The following KDM2A variants were observed in gnomAD, a reference collection of about 807,000 sequenced individuals.
The protein encoded by KDM2A is lysine-specific demethylase 2A.
KDM2A carries 3 observed loss-of-function variants against 137.3 expected under a neutral mutation model. That is an observed-to-expected ratio of 0.02 (90% CI 0.01 to 0.06). KDM2A has a LOEUF of 0.06. KDM2A is among the 10% of genes least tolerant of loss of function. KDM2A has a pLI of 1.00. For missense variants in KDM2A, 738 were observed against 1,510.6 expected (o/e 0.49, Z 8.48); for synonymous variants, 512 against 541.5 (o/e 0.95, Z 0.76).
intron 15 of KDM2A, among the ~76,000 whole-genome samples, chr11:67,246,920 G>A (rs796593573): frequency 4.0e-5 from 6 of 151,154 alleles, no homozygotes; most frequent in African/African-American, 1.5e-4. Context: ...AGCATATGTT[G>A]AATGAAGAAC....
At chr11:67,215,211 A>T in intron 6 of KDM2A, 129 bp from the exon 7 acceptor site, 1 of 555,716 alleles carries the variant, frequency 1.8e-6, no homozygotes, top group African/African-American at 1.9e-5. Context: ...AGATTTTTTT[A>T]ATTTGCTTAT....
At chr11:67,151,539 C>T (rs7102849) in intron 2 of KDM2A, among the ~76,000 whole-genome samples, 25 of 151,536 alleles carry the variant, frequency 1.6e-4, no homozygotes, top group African/African-American at 5.6e-4. Context: ...TAGTAGAGAC[C>T]GGGGTTTCAC....
At chr11:67,248,440 T>C in intron 16 of KDM2A, 70 bp downstream of exon 16, 1 of 1,087,912 alleles carries the variant, frequency 9.2e-7, no homozygotes, top group Non-Finnish European at 1.4e-6. Flanking sequence ...TGCTACACGT[T>C]TGCCTTTGCA....
intron 10 of KDM2A, among the ~76,000 whole-genome samples, chr11:67,226,806 G>A (rs1022547655): frequency 2.6e-5 from 4 of 152,160 alleles, no homozygotes; most frequent in African/African-American, 9.7e-5. Flanking sequence ...GCCGCGAGCT[G>A]CTCTTTTATT....
At chr11:67,124,614 C>CTTT (rs34517858) in intron 2 of KDM2A, among the ~76,000 whole-genome samples, 30 of 112,674 alleles carry the variant, frequency 2.7e-4, no homozygotes, top group East Asian at 5.5e-4. Flanking sequence ...GCCTGGCCCA[C>CTTT]TTTTTTTTTT....
At chr11:67,191,131 C>T (rs1302545528) in intron 5 of KDM2A, among the ~76,000 whole-genome samples, 2 of 152,066 alleles carry the variant, frequency 1.3e-5, no homozygotes, top group African/African-American at 4.8e-5. Flanking sequence ...GCAATCTCCA[C>T]CTCCTGGGTT....
chr11:67,249,336 G>A (rs1859338552), intron 16 of KDM2A, among the ~76,000 whole-genome samples: 1 of 152,192 alleles, frequency 6.6e-6, no homozygotes, highest in African/African-American at 2.4e-5. Context: ...CACCCAAAAG[G>A]TGGTCATTTT....
chr11:67,126,418 T>A (rs1855732635), intron 2 of KDM2A, among the ~76,000 whole-genome samples: 1 of 151,054 alleles, frequency 6.6e-6, no homozygotes, highest in Non-Finnish European at 1.5e-5. Context: ...ACACACAGAT[T>A]GTTTTTTGGC....
At chr11:67,175,491 A>G (rs1856957083) in intron 2 of KDM2A, among the ~76,000 whole-genome samples, 3 of 152,256 alleles carry the variant, frequency 2.0e-5, no homozygotes, top group African/African-American at 4.8e-5. Flanking sequence ...TCCAGTTGCA[A>G]TAATCAAAAA....
In KDM2A at chr11:67,255,205, G is replaced by A. The variant is rs1462224047; in HGVS notation, c.*150G>A. ...CTTGAGCCCTTCCTCTACAGGTGGGGCAGAGAGGGTGGTGGACACCAGGCT... is the reference window on the plus strand; with the variant it reads ...CTTGAGCCCTTCCTCTACAGGTGGGACAGAGAGGGTGGTGGACACCAGGCT... On this transcript the variant is annotated 3_prime_UTR_variant, in exon 21 of 21. Coordinates refer to ENST00000529006, the MANE Select transcript of KDM2A (RefSeq NM_012308.3). 7.3e-6 allele frequency: 5 copies of A among 685,702 alleles called. No individual in the cohort carries two copies. The highest frequency in any genetic ancestry group is 1.2e-5 in the Non-Finnish European group (5 of 410,646). The allele number at this position is 685,702 out of a possible 1,614,324, so 42.5% of individuals were successfully genotyped here.
At chr11:67,171,215 G>A (rs1300827916) in intron 2 of KDM2A, among the ~76,000 whole-genome samples, 2 of 152,176 alleles carry the variant, frequency 1.3e-5, no homozygotes, top group African/African-American at 4.8e-5. Context: ...TTGAGAGGAA[G>A]ATGTGGAAAG....
chr11:67,163,528 A>G (rs1254290026), intron 2 of KDM2A, among the ~76,000 whole-genome samples: 1 of 152,108 alleles, frequency 6.6e-6, no homozygotes, highest in Non-Finnish European at 1.5e-5. Context: ...CATACAGTTG[A>G]TTTCCAGTCC....
Position 67,250,793 on chromosome 11 carries a change from T to C in KDM2A, c.2763T>C (p.Tyr921=). The change falls in exon 17 of 21, where the codon TAT becomes TAC. Residue 921 remains tyrosine, a synonymous_variant. Transcript: ENST00000529006. This position sits in a 1 kb window ranked among gnomAD's most constrained non-coding sequence, Gnocchi z 7.1. ...CECMRVCKTW[Y]KWCCDKRLWT... ...GTATGCGAGTGTGCAAGACGTGGTATAAATGGTGAGCAGGGATTCAGGGGG... is the reference window on the plus strand; with the variant it reads ...GTATGCGAGTGTGCAAGACGTGGTACAAATGGTGAGCAGGGATTCAGGGGG... The C allele has an allele frequency of 6.6e-7, 1 of 1,522,006 alleles. No individual in the cohort carries two copies. The highest frequency in any genetic ancestry group is 8.8e-7 in the Non-Finnish European group (1 of 1,134,356). The allele number at this position is 1,522,006 out of a possible 1,614,324, so 94.3% of individuals were successfully genotyped here. A position where few individuals can be genotyped will look rare whatever the true frequency, so the allele number is the denominator to read the frequency against.
intron 5 of KDM2A, among the ~76,000 whole-genome samples, chr11:67,185,987 A>G (rs1358265638): frequency 6.6e-6 from 1 of 152,098 alleles, no homozygotes; most frequent in African/African-American, 2.4e-5. Context: ...ATGGACTAAG[A>G]GCCTAAAGGA....
chr11:67,193,801 C>T (rs375647144), intron 5 of KDM2A, among the ~76,000 whole-genome samples: 4 of 152,182 alleles, frequency 2.6e-5, no homozygotes, highest in African/African-American at 9.7e-5. Flanking sequence ...CGGGAGGTTG[C>T]GGTAAGCTGA....
At position 67,254,142 on chromosome 11, in the gene KDM2A, G is replaced by T. The variant is rs534565052; in HGVS notation, c.3092-61G>T. The stretch of plus-strand genomic sequence containing the variant: ...CAGCAAGTAGCTGTTGCTGCCTGGA[G>T]CCTTGAAGCTGGATTAGAGAATTGA... On this transcript the variant is annotated intron_variant, in intron 19 of 20. Transcript: ENST00000529006. This position sits in a 1 kb window ranked among gnomAD's most constrained non-coding sequence, Gnocchi z 4.7. 94 of 1,481,132 alleles carry T rather than the reference G, an allele frequency of 6.3e-5. 1 individual carries two copies. In the African/African-American group the frequency reaches 1.1e-3, roughly 18 times the overall value. The allele number at this position is 1,481,132 out of a possible 1,614,324, so 91.7% of individuals were successfully genotyped here.
chr11:67,187,154 T>C (rs1857225935), intron 5 of KDM2A, among the ~76,000 whole-genome samples: 3 of 152,264 alleles, frequency 2.0e-5, no homozygotes, highest in Admixed American at 2.0e-4. Context: ...CTATAGTATA[T>C]ATACAGAAGG....
At chr11:67,252,241 A>G (rs551613826) in intron 17 of KDM2A, 2 of 192,896 alleles carry the variant, frequency 1.0e-5, no homozygotes, top group South Asian at 1.7e-4. Flanking sequence ...AGCACCCTGC[A>G]TTTCAGGCAG....
At chr11:67,171,936 T>C (rs758723766) in intron 2 of KDM2A, among the ~76,000 whole-genome samples, 2 of 152,250 alleles carry the variant, frequency 1.3e-5, no homozygotes, top group Non-Finnish European at 2.9e-5. Flanking sequence ...CAGTCTTGAT[T>C]ACTATATGTT....
Sources: allele counts gnomAD v4.1 joint callset (sites outside exome capture counted in the v4.1 genomes callset), GRCh38; gene constraint gnomAD v4.1.1; non-coding constraint Gnocchi (gnomAD v3.1); transcripts MANE v1.5; gene names NCBI Gene and HGNC (gene_info 2026-07-23, HGNC 2026-07-21).